MEGF10: variants seen among roughly 807,000 people sequenced by gnomAD.
MEGF10 encodes the protein multiple EGF like domains 10, also known as multiple epidermal growth factor-like domains protein 10.
MEGF10 carries 86 observed loss-of-function variants against 147.5 expected under a neutral mutation model. The ratio of observed to expected loss-of-function variants is 0.58; its 90% CI spans 0.49 to 0.70. MEGF10 has a LOEUF of 0.70. MEGF10 is among the 30% of genes least tolerant of loss of function. The probability of loss-of-function intolerance (pLI) is 0.00; values close to 1 mark genes in which losing one functional copy is unlikely to be tolerated. For synonymous variants in MEGF10, 478 were observed against 525.5 expected (o/e 0.91, Z 1.24); for missense variants, 1,329 against 1,487.3 (o/e 0.89, Z 1.75).
chr5:127,420,814 A>T lies in MEGF10; in HGVS notation c.1590+607A>T, dbSNP rs181411988. ...GTCAGGGAGTGCAAACGGGAAGTGC[A>T]TTCTGGAGTAAGCTGCTGATTTCTT... On this transcript the variant is annotated intron_variant, in intron 12 of 24. Transcript: ENST00000503335. 2.6e-3 allele frequency among the ~76,000 whole-genome samples: 394 copies of T among 152,282 alleles called. 1 individual carries two copies. Among genetic ancestry groups the T allele is most frequent in the African/African-American group, 9.1e-3 (378 of 41,548 alleles).
At chr5:127,373,086 G>T (rs114909927) in intron 5 of MEGF10, among the ~76,000 whole-genome samples, 35 of 152,110 alleles carry the variant, frequency 2.3e-4, no homozygotes, top group African/African-American at 8.2e-4. Flanking sequence ...TGACATTTTG[G>T]GTTATAAAAC....
chr5:127,267,642 T>TA, the MEGF10 span, among the ~76,000 whole-genome samples: 1 of 152,212 alleles, frequency 6.6e-6, no homozygotes, highest in African/African-American at 2.4e-5. Flanking sequence ...ATTCCTGGTT[T>TA]AATCTTGGGA....
the MEGF10 span, among the ~76,000 whole-genome samples, chr5:127,258,620 G>A: frequency 7.8e-3 from 1,194 of 152,230 alleles, 14 homozygotes; most frequent in African/African-American, 0.027. Context: ...AAATTTAATT[G>A]CCATTGTGAT....
chr5:127,392,504 C>G (rs1373406752), intron 5 of MEGF10, among the ~76,000 whole-genome samples: 1 of 152,186 alleles, frequency 6.6e-6, no homozygotes, highest in Non-Finnish European at 1.5e-5. Flanking sequence ...ATCCCCTGAC[C>G]TTATTACTTA....
chr5:127,348,154 A>G (rs750563702), intron 4 of MEGF10, among the ~76,000 whole-genome samples: 3 of 152,114 alleles, frequency 2.0e-5, no homozygotes, highest in Non-Finnish European at 4.4e-5. Context: ...TTTATCACGA[A>G]TATCAAACTG....
chr5:127,355,324 A>AC (rs1383960502), intron 4 of MEGF10, among the ~76,000 whole-genome samples: 1 of 152,094 alleles, frequency 6.6e-6, no homozygotes, highest in East Asian at 1.9e-4. Context: ...TAAAAAAAAA[A>AC]CCATAGTCTT....
At chr5:127,388,522 TTTA>T (rs1763523111) in intron 5 of MEGF10, among the ~76,000 whole-genome samples, 2 of 22,934 alleles carry the variant, frequency 8.7e-5, no homozygotes, top group Admixed American at 3.0e-4. Context: ...TTTCTTTTTA[TTTA>T]TTTATTTATT....
chr5:127,438,057 CAAA>C (rs967322299), intron 16 of MEGF10, among the ~76,000 whole-genome samples: 1 of 152,090 alleles, frequency 6.6e-6, no homozygotes, highest in Non-Finnish European at 1.5e-5. Flanking sequence ...CCTCCCCTAC[CAAA>C]ATAGAAGCTT....
the MEGF10 span, among the ~76,000 whole-genome samples, chr5:127,250,669 A>AAT: frequency 2.6e-5 from 4 of 152,028 alleles, no homozygotes; most frequent in African/African-American, 7.2e-5. Context: ...AACCAATGCA[A>AAT]ATATATACAG....
rs78847357 is a variant in MEGF10 at position 127,410,517 on chromosome 5, G to A, written c.1046G>A (p.Arg349His). The A allele has an allele frequency of 1.0e-3, 1,671 of 1,613,842 alleles. 12 individuals are homozygous for A. In the African/African-American group the frequency reaches 0.018, roughly 17 times the overall value. ...CLCEAGFAGE[R>H]CEARLCPEGL... ...TGTGAAGCAGGCTTTGCTGGCGAGC[G>A]CTGCGAAGCACGCCTGTGTCCTGAG... Residue 349 changes from arginine to histidine, a missense_variant, in exon 9 of 25, where the codon CGC becomes CAC. Around this residue, in one of 3 missense-constraint regions of MEGF10, gnomAD observed 980 missense variants for 1,085.9 expected, o/e 0.90. Coordinates refer to ENST00000503335, the MANE Select transcript of MEGF10 (RefSeq NM_001256545.2).
At chr5:127,289,477 C>A (rs1178028296), upstream of MEGF10, among the ~76,000 whole-genome samples, 1 of 152,148 alleles carries the variant, frequency 6.6e-6, no homozygotes, top group Non-Finnish European at 1.5e-5. Flanking sequence ...AAAAGCTGGA[C>A]CATCCTGACT....
chr5:127,245,916 C>T, the MEGF10 span, among the ~76,000 whole-genome samples: 30 of 152,270 alleles, frequency 2.0e-4, no homozygotes, highest in African/African-American at 5.5e-4. Flanking sequence ...TATCATCTCA[C>T]GCCAGTTAGA....
chr5:127,331,215 G>A (rs1761244224), intron 1 of MEGF10, 76 bp from the exon 2 acceptor site: 2 of 734,318 alleles, frequency 2.7e-6, no homozygotes, highest in African/African-American at 1.8e-5. Flanking sequence ...CTGGTACCTG[G>A]TGGTTGCTGT....
intron 4 of MEGF10, among the ~76,000 whole-genome samples, chr5:127,352,383 T>G (rs968136310): frequency 1.9e-4 from 29 of 152,190 alleles, no homozygotes; most frequent in Non-Finnish European, 3.7e-4. Flanking sequence ...TGTTTATTGC[T>G]GGGCATGGTG....
intron 17 of MEGF10, among the ~76,000 whole-genome samples, chr5:127,439,978 G>A (rs79814024): frequency 0.028 from 4,196 of 152,272 alleles, 53 homozygotes; most frequent in East Asian, 0.045. Context: ...ATAAGAAAAT[G>A]AGAAAATGAA....
chr5:127,377,495 G>A (rs917054929), intron 5 of MEGF10, among the ~76,000 whole-genome samples: 2 of 152,104 alleles, frequency 1.3e-5, no homozygotes, highest in African/African-American at 2.4e-5. Flanking sequence ...ATAGCATTCC[G>A]GTTAAATATA....
intron 4 of MEGF10, among the ~76,000 whole-genome samples, chr5:127,349,346 C>T (rs748140327): frequency 5.3e-5 from 8 of 152,030 alleles, no homozygotes; most frequent in South Asian, 2.1e-4. Context: ...TATTTTTATA[C>T]GGTAAAAACA....
the MEGF10 span, among the ~76,000 whole-genome samples, chr5:127,245,483 A>C: frequency 6.6e-6 from 1 of 152,160 alleles, no homozygotes; most frequent in Non-Finnish European, 1.5e-5. Context: ...ACTTAAACAT[A>C]AGACCCAAAA....
chr5:127,310,016 T>C (rs1386692066), intron 1 of MEGF10, among the ~76,000 whole-genome samples: 1 of 58,272 alleles, frequency 1.7e-5, no homozygotes, highest in African/African-American at 6.1e-5. Flanking sequence ...CTTCCTTTCT[T>C]TTTTTCTTTC....
Sources: allele counts gnomAD v4.1 joint callset (sites outside exome capture counted in the v4.1 genomes callset), GRCh38; gene constraint gnomAD v4.1.1; regional missense constraint gnomAD v4.1.1; transcripts MANE v1.5; gene names NCBI Gene and HGNC (gene_info 2026-07-23, HGNC 2026-07-21).